Variants in SDAD1 observed in about 807,000 individuals in gnomAD.
The protein encoded by SDAD1 is SDA1 domain containing 1.
A neutral mutation model predicts 100.3 loss-of-function variants in SDAD1; 79 were observed. The ratio of observed to expected loss-of-function variants is 0.79; its 90% CI spans 0.66 to 0.95. The LOEUF (loss-of-function observed/expected upper bound fraction) is 0.95, where lower values mean the gene tolerates loss of function less well. SDAD1 is among the 40% of genes least tolerant of loss of function. The probability of loss-of-function intolerance (pLI) is 0.00; values close to 1 mark genes in which losing one functional copy is unlikely to be tolerated. For synonymous variants in SDAD1, 267 were observed against 271.4 expected, an observed-to-expected ratio of 0.98 and a Z score of 0.16; for missense variants, 790 against 810.9, an observed-to-expected ratio of 0.97 and a Z score of 0.31.
chr4:75,951,255 C>T (rs559435485), intron 21 of SDAD1, among the ~76,000 whole-genome samples: 53 of 152,246 alleles, frequency 3.5e-4, no homozygotes, highest in African/African-American at 1.2e-3. Context: ...ATGGATCACT[C>T]AAAGATTTTA....
In SDAD1 at chr4:75,961,009, A is replaced by AT. The variant is rs745708160; in HGVS notation, c.1356+18dup. 8.1e-6 allele frequency: 13 copies of AT among 1,607,720 alleles called. No homozygotes were observed. The highest frequency in any genetic ancestry group is 9.4e-6 in the Non-Finnish European group (11 of 1,175,222). On this transcript the variant is annotated intron_variant, in intron 16 of 21. Transcript: ENST00000356260. ...GTGAGACCATAACCTTTAGACCAAC[A>AT]TAAGTGTGCTTTACCTACCCGGAAT...
chr4:75,986,341 C>T (rs989845908), intron 1 of SDAD1, among the ~76,000 whole-genome samples: 2 of 152,156 alleles, frequency 1.3e-5, no homozygotes, highest in Admixed American at 1.3e-4. Context: ...AGTCCCTTCA[C>T]TTTCCCACTT....
intron 1 of SDAD1, among the ~76,000 whole-genome samples, chr4:75,982,744 T>C (rs1219287683): frequency 6.6e-6 from 1 of 152,160 alleles, no homozygotes. Flanking sequence ...ATATAAATTA[T>C]ATCTCAAGTA....
chr4:75,965,143 AAGAGAATGTGTTCCT>A (rs1729464104), intron 13 of SDAD1, among the ~76,000 whole-genome samples: 1 of 152,168 alleles, frequency 6.6e-6, no homozygotes, highest in East Asian at 1.9e-4. Context: ...AGCCCTGAGA[AAGAGAATGTGTTCCT>A]AGAGGTAGGT....
At chr4:75,986,908 C>T (rs1032553460) in intron 1 of SDAD1, among the ~76,000 whole-genome samples, 48 of 152,068 alleles carry the variant, frequency 3.2e-4, no homozygotes, top group African/African-American at 1.1e-3. Flanking sequence ...GTCCCAGCTA[C>T]CCTGGAGGCT....
chr4:75,951,698 C>T (rs566070035), intron 21 of SDAD1, among the ~76,000 whole-genome samples: 5 of 152,230 alleles, frequency 3.3e-5, no homozygotes, highest in South Asian at 4.2e-4. Context: ...CAGTGTCTGA[C>T]GCAAACCTAC....
intron 9 of SDAD1, 50 bp downstream of exon 9, chr4:75,971,303 AACAT>A: frequency 8.2e-7 from 1 of 1,217,574 alleles, no homozygotes; most frequent in Non-Finnish European, 1.2e-6. Context: ...GGCTAACGAC[AACAT>A]ATTCTTCACT....
chr4:75,962,177 C>G (rs1729281406), intron 14 of SDAD1, among the ~76,000 whole-genome samples: 1 of 152,148 alleles, frequency 6.6e-6, no homozygotes. Flanking sequence ...CGATAGTTTG[C>G]TAAGAATGAT....
intron 1 of SDAD1, among the ~76,000 whole-genome samples, chr4:75,985,639 A>G (rs1172850909): frequency 2.0e-5 from 3 of 152,278 alleles, no homozygotes; most frequent in South Asian, 2.1e-4. Context: ...TCGTATCCAC[A>G]TGGAGGGTCT....
chr4:75,954,577 G>C (rs1299251138), intron 21 of SDAD1, among the ~76,000 whole-genome samples: 2 of 152,184 alleles, frequency 1.3e-5, no homozygotes, highest in African/African-American at 4.8e-5. Flanking sequence ...GAGGGCTGAG[G>C]TGGGAGGATC....
intron 11 of SDAD1, among the ~76,000 whole-genome samples, chr4:75,968,573 A>G (rs543635429): frequency 6.6e-6 from 1 of 152,318 alleles, no homozygotes; most frequent in African/African-American, 2.4e-5. Flanking sequence ...AACTCTTGCA[A>G]CTAACATTTG....
intron 9 of SDAD1, among the ~76,000 whole-genome samples, chr4:75,970,838 G>GT (rs1560546473): frequency 6.6e-6 from 1 of 152,170 alleles, no homozygotes; most frequent in Non-Finnish European, 1.5e-5. Context: ...CTGCCACCAT[G>GT]TAAGACATGC....
At chr4:75,950,844 AT>A in intron 21 of SDAD1, 47 bp from the exon 22 acceptor site, 1 of 1,326,786 alleles carries the variant, frequency 7.5e-7, no homozygotes, top group Non-Finnish European at 1.1e-6. Context: ...TGGGTACCCT[AT>A]TATACGAATT....
chr4:75,988,952 T>C (rs1731070229), intron 1 of SDAD1, among the ~76,000 whole-genome samples: 1 of 152,172 alleles, frequency 6.6e-6, no homozygotes, highest in Non-Finnish European at 1.5e-5. Context: ...TTATATTAGT[T>C]ACCCTGCTTC....
chr4:75,976,807 A>G (rs1339299507), intron 4 of SDAD1, among the ~76,000 whole-genome samples: 3 of 152,242 alleles, frequency 2.0e-5, no homozygotes, highest in Non-Finnish European at 4.4e-5. Context: ...GTGAATGCAT[A>G]TATCACTGGT....
At chr4:75,985,685 C>T (rs1409141787) in intron 1 of SDAD1, among the ~76,000 whole-genome samples, 1 of 152,178 alleles carries the variant, frequency 6.6e-6, no homozygotes, top group Non-Finnish European at 1.5e-5. Flanking sequence ...CCTGACTTCT[C>T]CTCCTCTAAT....
In SDAD1 at chr4:75,960,065, CCTT is replaced by C. The variant is rs1729141984; in HGVS notation, c.1481_1483del (p.Glu494del). ...AAAATAAGGGTGAAATAAAAATCAA[CCTT>C]CATCATTTTCAGCATTCTCTTCTTT... On this transcript the variant is annotated inframe_deletion and splice_region_variant, in exon 17 of 22. Transcript: ENST00000356260. The C allele has an allele frequency of 6.2e-7, 1 of 1,607,010 alleles. No individual in the cohort carries two copies. Among genetic ancestry groups the C allele is most frequent in the African/African-American group, 1.3e-5 (1 of 74,580 alleles).
intron 20 of SDAD1, 87 bp downstream of exon 20, chr4:75,957,238 T>C (rs776116022): frequency 1.9e-5 from 20 of 1,031,362 alleles, no homozygotes; most frequent in Non-Finnish European, 2.9e-5. Flanking sequence ...TTTTAAAAAT[T>C]GCCATTCTGT....
chr4:75,976,439 A>G (rs1479394359), intron 4 of SDAD1, among the ~76,000 whole-genome samples: 2 of 152,242 alleles, frequency 1.3e-5, no homozygotes, highest in Non-Finnish European at 2.9e-5. Context: ...TCTTGGAAAC[A>G]TTATGCTAAG....
Sources: allele counts gnomAD v4.1 joint callset (sites outside exome capture counted in the v4.1 genomes callset), GRCh38; gene constraint gnomAD v4.1.1; transcripts MANE v1.5; gene names NCBI Gene and HGNC (gene_info 2026-07-23, HGNC 2026-07-21).